The following NTNG1 variants were observed in gnomAD, a reference collection of about 807,000 sequenced individuals.
NTNG1 encodes the protein netrin G1, also known as netrin-G1.
Under a neutral mutation model 54.0 loss-of-function variants are expected in NTNG1, and 16 were observed. The observed-to-expected ratio is 0.30, with a 90% CI of 0.20 to 0.45. NTNG1 has a LOEUF of 0.45. Ranked by LOEUF, NTNG1 falls within the 20% of genes least tolerant of loss-of-function variation. The pLI, the probability that NTNG1 is intolerant of heterozygous loss-of-function variation, is 1.00. For synonymous variants in NTNG1, 255 were observed against 263.1 expected (o/e 0.97, Z 0.30); for missense variants, 530 against 678.7 (o/e 0.78, Z 2.43).
chr1:107,336,267 G>A (rs1342177977), intron 3 of NTNG1, among the ~76,000 whole-genome samples: 2 of 150,264 alleles, frequency 1.3e-5, no homozygotes, highest in African/African-American at 2.5e-5. Context: ...ATAGACATAC[G>A]AACCAAAGAA....
upstream of NTNG1, chr1:107,140,773 GA>G (rs11339598): frequency 0.57 from 80,562 of 141,990 alleles, 25,066 homozygotes; most frequent in African/African-American, 0.85. Flanking sequence ...AAAAAAAGAG[GA>G]AAAAAAAAAG....
intron 2 of NTNG1, among the ~76,000 whole-genome samples, chr1:107,299,467 C>G (rs1452225510): frequency 1.3e-5 from 2 of 152,040 alleles, no homozygotes; most frequent in Non-Finnish European, 2.9e-5. Context: ...ATAGAAATAA[C>G]TATTATTTTT....
At chr1:107,441,476 A>T (rs776284) in intron 7 of NTNG1, among the ~76,000 whole-genome samples, 3 of 151,924 alleles carry the variant, frequency 2.0e-5, no homozygotes, top group Admixed American at 6.6e-5. Flanking sequence ...ATTTTGGAAG[A>T]TGCTAGAGCT....
At chr1:107,283,063 A>G (rs1664966393) in intron 2 of NTNG1, among the ~76,000 whole-genome samples, 1 of 152,026 alleles carries the variant, frequency 6.6e-6, no homozygotes, top group African/African-American at 2.4e-5. Context: ...CCCACTTCCT[A>G]ATATCATCAT....
At chr1:107,416,870 A>G (rs1674242709) in intron 5 of NTNG1, among the ~76,000 whole-genome samples, 1 of 152,094 alleles carries the variant, frequency 6.6e-6, no homozygotes, top group Non-Finnish European at 1.5e-5. Flanking sequence ...GGAGAAAGCT[A>G]GTTAACCGAA....
At chr1:107,355,202 A>G (rs1476990074) in intron 3 of NTNG1, among the ~76,000 whole-genome samples, 1 of 149,692 alleles carries the variant, frequency 6.7e-6, no homozygotes, top group African/African-American at 2.4e-5. Context: ...GCTATCAAAC[A>G]TGGTTATTTT....
intron 2 of NTNG1, among the ~76,000 whole-genome samples, chr1:107,321,511 C>A (rs983169991): frequency 5.3e-5 from 8 of 151,962 alleles, no homozygotes; most frequent in Non-Finnish European, 7.4e-5. Context: ...TTGTATAGTG[C>A]TGTTTGGCCT....
At chr1:107,307,554 A>C (rs151221201) in intron 2 of NTNG1, among the ~76,000 whole-genome samples, 1 of 152,334 alleles carries the variant, frequency 6.6e-6, no homozygotes, top group East Asian at 1.9e-4. Context: ...AGACACAAAG[A>C]ATTCACAGAG....
chr1:107,443,549 A>C lies in NTNG1; in HGVS notation c.1390+6750A>C, dbSNP rs549515324. ...TCTTGCGCCTAACTTGTAATTTTTC[A>C]ATGTTTCTAGTTGCTGTCTCTTCCT... On this transcript the variant is annotated intron_variant, in intron 7 of 7. Coordinates refer to ENST00000370068, the MANE Select transcript of NTNG1 (RefSeq NM_001113226.3). Among the ~76,000 whole-genome samples, 5 of 152,160 alleles carry C rather than the reference A, an allele frequency of 3.3e-5. No individual in the cohort carries two copies. In the East Asian group the frequency reaches 5.8e-4, roughly 18 times the overall value.
At chr1:107,200,534 A>T (rs141304526) in intron 2 of NTNG1, among the ~76,000 whole-genome samples, 24 of 151,804 alleles carry the variant, frequency 1.6e-4, no homozygotes, top group African/African-American at 5.8e-4. Context: ...GGATTAACCA[A>T]ATCATTCTCC....
intron 4 of NTNG1, among the ~76,000 whole-genome samples, chr1:107,402,155 G>A (rs1015875348): frequency 1.3e-5 from 2 of 152,140 alleles, no homozygotes; most frequent in Non-Finnish European, 1.5e-5. Context: ...AGTCCTTATG[G>A]CCAGTGTATT....
At chr1:107,465,190 GA>G (rs746147010) in intron 7 of NTNG1, among the ~76,000 whole-genome samples, 2 of 152,248 alleles carry the variant, frequency 1.3e-5, no homozygotes, top group Non-Finnish European at 2.9e-5. Context: ...GAAGCCACGT[GA>G]AAAATCATCA....
intron 2 of NTNG1, among the ~76,000 whole-genome samples, chr1:107,222,212 A>G (rs1417808570): frequency 6.6e-6 from 1 of 151,968 alleles, no homozygotes; most frequent in Non-Finnish European, 1.5e-5. Context: ...AGCACCCTGT[A>G]CTTCCCACAT....
At chr1:107,362,581 C>T (rs1489466379) in intron 3 of NTNG1, among the ~76,000 whole-genome samples, 3 of 152,138 alleles carry the variant, frequency 2.0e-5, no homozygotes, top group Non-Finnish European at 4.4e-5. Context: ...GCAGTGAAAA[C>T]ACCATGAGCT....
At chr1:107,273,717 A>G (rs1266079367) in intron 2 of NTNG1, among the ~76,000 whole-genome samples, 1 of 152,126 alleles carries the variant, frequency 6.6e-6, no homozygotes, top group African/African-American at 2.4e-5. Flanking sequence ...TTATTTTTAT[A>G]TACGTCATCT....
At chr1:107,183,959 C>G (rs1657256715) in intron 2 of NTNG1, among the ~76,000 whole-genome samples, 1 of 152,040 alleles carries the variant, frequency 6.6e-6, no homozygotes. Flanking sequence ...CAAACTATCC[C>G]AAAACTTAGT....
At chr1:107,354,241 C>T (rs969061416) in intron 3 of NTNG1, among the ~76,000 whole-genome samples, 8 of 151,852 alleles carry the variant, frequency 5.3e-5, no homozygotes, top group East Asian at 1.9e-4. Context: ...GAGGCTGAAG[C>T]GGGCAGATCA....
At chr1:107,449,316 A>G (rs982383643) in intron 7 of NTNG1, among the ~76,000 whole-genome samples, 1 of 151,828 alleles carries the variant, frequency 6.6e-6, no homozygotes, top group Non-Finnish European at 1.5e-5. Context: ...CCCCACTCCA[A>G]CCTTCTTAAG....
intron 3 of NTNG1, among the ~76,000 whole-genome samples, chr1:107,338,879 A>T (rs1408184365): frequency 6.6e-6 from 1 of 151,994 alleles, no homozygotes; most frequent in Non-Finnish European, 1.5e-5. Flanking sequence ...CTTTAAAAAA[A>T]AAAAGGAAAT....
Sources: allele counts gnomAD v4.1 joint callset (sites outside exome capture counted in the v4.1 genomes callset), GRCh38; gene constraint gnomAD v4.1.1; transcripts MANE v1.5; gene names NCBI Gene and HGNC (gene_info 2026-07-23, HGNC 2026-07-21).